The following ANKRD28 variants were observed in gnomAD, a reference collection of about 807,000 sequenced individuals.
ANKRD28 encodes the protein serine/threonine-protein phosphatase 6 regulatory ankyrin repeat subunit A.
A neutral mutation model predicts 126.5 loss-of-function variants in ANKRD28; 44 were observed. That is an observed-to-expected ratio of 0.35 (90% CI 0.27 to 0.45). The LOEUF is 0.45. Among genes scored for constraint, ANKRD28 ranks in the 20% least tolerant of loss-of-function variants. The pLI, the probability that ANKRD28 is intolerant of heterozygous loss-of-function variation, is 1.00. For synonymous variants in ANKRD28, 442 were observed against 468.5 expected (o/e 0.94, Z 0.73); for missense variants, 1,110 against 1,316.6 (o/e 0.84, Z 2.43).
intron 26 of ANKRD28, chr3:15,676,313 T>C: frequency 4.6e-6 from 1 of 216,598 alleles, no homozygotes; most frequent in Non-Finnish European, 9.0e-6. Flanking sequence ...CCTCCGTTGT[T>C]AAGGAATGAG....
At chr3:15,836,950 A>C (rs990872455) in intron 1 of ANKRD28, among the ~76,000 whole-genome samples, 9 of 152,138 alleles carry the variant, frequency 5.9e-5, no homozygotes, top group South Asian at 4.2e-4. Context: ...AATACAAAAA[A>C]TTAGCCGGGC....
Position 15,853,532 on chromosome 3 carries a change from C to G in ANKRD28, c.27+5845G>C, listed in dbSNP as rs965716993. Among the ~76,000 whole-genome samples, 1 of 151,974 alleles carries G rather than the reference C, an allele frequency of 6.6e-6. No homozygotes were observed. The highest frequency in any genetic ancestry group is 1.5e-5 in the Non-Finnish European group (1 of 67,994). ...TCGCCCAGGCTGGAGTGCAGTAGTA[C>G]GATTCTGGCTCACTGCAAGCTCCGC... On this transcript the variant is annotated intron_variant, in intron 1 of 27. Coordinates refer to the ANKRD28 transcript ENST00000399451. This position sits in a 1 kb window ranked among gnomAD's most constrained non-coding sequence, Gnocchi z 4.2.
chr3:15,802,536 A>C (rs145483954), upstream of ANKRD28, among the ~76,000 whole-genome samples: 4 of 152,306 alleles, frequency 2.6e-5, no homozygotes, highest in South Asian at 2.1e-4. Context: ...TCCAACATCC[A>C]TACTCCAGTA....
Position 15,846,425 on chromosome 3 carries a change from C to T in ANKRD28, c.27+12952G>A, listed in dbSNP as rs1165741966. 6.6e-6 allele frequency among the ~76,000 whole-genome samples: 1 copy of T among 152,262 alleles called. No homozygotes were observed. Among genetic ancestry groups the T allele is most frequent in the Non-Finnish European group, 1.5e-5 (1 of 68,052 alleles). ...GGTGAGCTCTCAAGGCCTTGGGCAG[C>T]TCTGCCCCTGTGGCTCTGCAGGGTA... On this transcript the variant is annotated intron_variant, in intron 1 of 27. Transcript: ENST00000399451. The surrounding 1 kb of genome is among the most constrained non-coding windows in gnomAD (Gnocchi z 5.4).
In ANKRD28 at chr3:15,859,393, A is replaced by G; in HGVS notation, c.11T>C (p.Leu4Pro). The change falls in exon 1 of 28, where the codon CTC (leucine) becomes CCC (proline). Residue 4 changes from leucine (L) to proline (P), a missense_variant. By Grantham distance (98) the Leu-to-Pro change is moderately conservative (BLOSUM62 -3). Transcript: ENST00000399451. The stretch of plus-strand genomic sequence containing the variant: ...CTCACCTACCTGGTCACGGAGTTTG[A>G]GGAACGCCATGGCGGTCGCCTCCGC... 3 of 1,529,040 alleles carry G rather than the reference A, an allele frequency of 2.0e-6. No homozygotes were observed. The South Asian group carries it at 3.6e-5, about 19-fold the overall frequency. The allele number at this position is 1,529,040 out of a possible 1,614,324, so 94.7% of individuals were successfully genotyped here.
rs190378138 is a variant in ANKRD28, at chr3:15,837,629, T to C, written c.27+21748A>G. On this transcript the variant is annotated intron_variant, in intron 1 of 27. Transcript: ENST00000399451. The stretch of plus-strand genomic sequence containing the variant: ...TGTAAACAAAACACATCAAAACTCA[T>C]AGGATACAGACAATGCAGTGTTTAG... 6.6e-5 allele frequency among the ~76,000 whole-genome samples: 10 copies of C among 152,174 alleles called. No individual in the cohort carries two copies. The East Asian group carries it at 1.5e-3, about 23-fold the overall frequency.
chr3:15,735,920 C>T (rs2074984495), intron 5 of ANKRD28, among the ~76,000 whole-genome samples: 1 of 152,200 alleles, frequency 6.6e-6, no homozygotes, highest in South Asian at 2.1e-4. Flanking sequence ...AGGTCAGTCA[C>T]TGCATAGTCT....
At chr3:15,723,479 T>A (rs2073932730) in intron 7 of ANKRD28, among the ~76,000 whole-genome samples, 1 of 152,190 alleles carries the variant, frequency 6.6e-6, no homozygotes, top group Non-Finnish European at 1.5e-5. Flanking sequence ...TTGTCAGAAC[T>A]CTCCCTGAAG....
At chr3:15,773,806 G>A (rs2059131941) in intron 2 of ANKRD28, among the ~76,000 whole-genome samples, 1 of 152,052 alleles carries the variant, frequency 6.6e-6, no homozygotes, top group East Asian at 1.9e-4. Flanking sequence ...AATCCTCACA[G>A]GATTTCTTGT....
intron 3 of ANKRD28, among the ~76,000 whole-genome samples, chr3:15,752,161 A>G (rs977540938): frequency 6.6e-6 from 1 of 152,190 alleles, no homozygotes; most frequent in South Asian, 2.1e-4. Flanking sequence ...ATAAATGAAT[A>G]TAAGAATATA....
At chr3:15,728,918 A>T (rs1231937075) in intron 6 of ANKRD28, among the ~76,000 whole-genome samples, 1 of 152,216 alleles carries the variant, frequency 6.6e-6, no homozygotes, top group Non-Finnish European at 1.5e-5. Context: ...AGTGGCTTAA[A>T]CAATCAATGT....
At chr3:15,708,306 T>G (rs1026825893) in intron 13 of ANKRD28, among the ~76,000 whole-genome samples, 2 of 152,184 alleles carry the variant, frequency 1.3e-5, no homozygotes, top group African/African-American at 2.4e-5. Context: ...CTCCAGGCAG[T>G]AGCAGCAATC....
Position 15,691,683 on chromosome 3 carries a change from C to T in ANKRD28, c.1762-1463G>A, listed in dbSNP as rs545849642. Among the ~76,000 whole-genome samples, 7 of 152,304 alleles carry T rather than the reference C, an allele frequency of 4.6e-5. No individual in the cohort carries two copies. In the South Asian group the frequency reaches 1.4e-3, roughly 32 times the overall value. On this transcript the variant is annotated intron_variant, in intron 17 of 27. Transcript: ENST00000683139. Reference sequence around the variant, plus strand: ...TAGAAACTTGACTACTTAAGCTTGACTATCTCAAAGATTAAAGTGACTGTA... The same window carrying T: ...TAGAAACTTGACTACTTAAGCTTGATTATCTCAAAGATTAAAGTGACTGTA...
Position 15,814,044 on chromosome 3 carries a change from T to G in ANKRD28, c.28-18738A>C, listed in dbSNP as rs1020676388. Among the ~76,000 whole-genome samples, 10 of 152,220 alleles carry G rather than the reference T, an allele frequency of 6.6e-5. No homozygotes were observed. The highest frequency in any genetic ancestry group is 2.4e-4 in the African/African-American group (10 of 41,458). On this transcript the variant is annotated intron_variant, in intron 1 of 27. Transcript: ENST00000399451. This position sits in a 1 kb window ranked among gnomAD's most constrained non-coding sequence, Gnocchi z 4.7. ...ATTTACTTGAATTATAAAACGGCTA[T>G]ACTAAGTCTTCCACTAACACAGGGT...
intron 6 of ANKRD28, among the ~76,000 whole-genome samples, chr3:15,727,755 T>G (rs1236209508): frequency 6.6e-6 from 1 of 151,996 alleles, no homozygotes; most frequent in Non-Finnish European, 1.5e-5. Context: ...AGAACTAGAA[T>G]AAGAAGTGGA....
chr3:15,712,047 T>C (rs371620763), intron 11 of ANKRD28, 93 bp downstream of exon 11: 7 of 956,908 alleles, frequency 7.3e-6, no homozygotes, highest in African/African-American at 6.5e-5. Flanking sequence ...ACTGGACCCA[T>C]CTGCATTAAT....
In ANKRD28 at chr3:15,686,196, T is replaced by G. The variant is rs201672117; in HGVS notation, c.2051+26A>C. ...GTTTTCGAAATACGCCCTTCTGTGA[T>G]GCAACAATTATTTATCGAAACTTAC... On this transcript the variant is annotated intron_variant, in intron 19 of 27. Coordinates refer to ENST00000683139, the MANE Select transcript of ANKRD28 (RefSeq NM_001349278.2). 8.1e-5 allele frequency: 128 copies of G among 1,589,402 alleles called. No homozygotes were observed. The African/African-American group carries it at 1.6e-3, about 19-fold the overall frequency.
intron 1 of ANKRD28, among the ~76,000 whole-genome samples, chr3:15,842,176 T>C (rs2061436797): frequency 6.6e-6 from 1 of 151,860 alleles, no homozygotes; most frequent in African/African-American, 2.4e-5. Flanking sequence ...GCAACTTAAA[T>C]GTCCATTAAC....
chr3:15,762,622 G>A (rs1002134718), intron 3 of ANKRD28, among the ~76,000 whole-genome samples: 3 of 151,480 alleles, frequency 2.0e-5, no homozygotes, highest in African/African-American at 4.9e-5. Flanking sequence ...ATTTCAGAAC[G>A]TAATAACTGG....
Sources: allele counts gnomAD v4.1 joint callset (sites outside exome capture counted in the v4.1 genomes callset), GRCh38; gene constraint gnomAD v4.1.1; non-coding constraint Gnocchi (gnomAD v3.1); transcripts MANE v1.5; gene names NCBI Gene and HGNC (gene_info 2026-07-23, HGNC 2026-07-21).